Variants in BORCS7 observed in about 807,000 individuals in gnomAD.
The protein encoded by BORCS7 is BLOC-1 related complex subunit 7.
In BORCS7, 20 loss-of-function variants were observed where a neutral mutation model predicts 17.5. That is an observed-to-expected ratio of 1.14 (90% CI 0.80 to 1.66). BORCS7 has a LOEUF of 1.66. BORCS7 is among the 40% of genes most tolerant of loss of function. The probability of loss-of-function intolerance (pLI) is 0.00; values close to 1 mark genes in which losing one functional copy is unlikely to be tolerated. For missense variants in BORCS7, 122 were observed against 129.7 expected (o/e 0.94, Z 0.29); for synonymous variants, 57 against 49.8 (o/e 1.14, Z -0.61).
chr10:102,855,793 C>G (rs186096745), intron 1 of BORCS7, among the ~76,000 whole-genome samples: 1 of 152,178 alleles, frequency 6.6e-6, no homozygotes, highest in Admixed American at 6.5e-5. Flanking sequence ...GTCCCACTAG[C>G]TCTGTCACCC....
chr10:102,862,101 C>A lies in BORCS7; in HGVS notation c.249-59C>A. 2.7e-6 allele frequency: 4 copies of A among 1,500,430 alleles called. No individual in the cohort carries two copies. The South Asian group carries it at 4.6e-5, about 17-fold the overall frequency. 92.9% of individuals were successfully genotyped at this position (1,500,430 alleles called of 1,614,324 possible). A position where few individuals can be genotyped will look rare whatever the true frequency, so the allele number is the denominator to read the frequency against. On this transcript the variant is annotated intron_variant, in intron 3 of 4. Transcript: ENST00000339834. Reference sequence around the variant, plus strand: ...CTTCTGCCTATATGTATTATCTGGTCATAAATGAAACTTATTAGTTCACTT... The same window carrying A: ...CTTCTGCCTATATGTATTATCTGGTAATAAATGAAACTTATTAGTTCACTT...
At chr10:102,861,005 G>T (rs761012764) in intron 3 of BORCS7, among the ~76,000 whole-genome samples, 9 of 152,194 alleles carry the variant, frequency 5.9e-5, no homozygotes, top group Non-Finnish European at 1.2e-4. Flanking sequence ...TATAAATCAT[G>T]TAGGGAATTT....
intron 1 of BORCS7, among the ~76,000 whole-genome samples, chr10:102,857,553 C>T (rs1025028496): frequency 8.5e-5 from 13 of 152,170 alleles, no homozygotes; most frequent in Non-Finnish European, 1.9e-4. Flanking sequence ...AGTCACAAAT[C>T]ACAGTCCTGT....
In BORCS7 at chr10:102,862,009, C is replaced by A; in HGVS notation, c.249-151C>A. On this transcript the variant is annotated intron_variant, in intron 3 of 4. Transcript: ENST00000339834. ...GCAGCTCTGCACTCAGACAGGAATCCCTGTTCAATAGCACAATCTTAGGAT... is the reference window on the plus strand; with the variant it reads ...GCAGCTCTGCACTCAGACAGGAATCACTGTTCAATAGCACAATCTTAGGAT... The A allele has an allele frequency of 2.8e-6, 2 of 703,400 alleles. 1 individual carries two copies. The highest frequency in any genetic ancestry group is 3.9e-5 in the South Asian group (2 of 50,688). The allele number at this position is 703,400 out of a possible 1,614,324, so 43.6% of individuals were successfully genotyped here.
intron 3 of BORCS7, chr10:102,860,916 G>A (rs1029370901): frequency 2.6e-4 from 78 of 303,334 alleles, no homozygotes; most frequent in Middle Eastern, 9.2e-4. Flanking sequence ...GGGAAGTTAA[G>A]TTGGGTCCTC....
chr10:102,860,623 T>C (rs1261576971), intron 3 of BORCS7, 82 bp downstream of exon 3: 1 of 1,488,870 alleles, frequency 6.7e-7, no homozygotes, highest in Non-Finnish European at 9.3e-7. Flanking sequence ...CTTCAGCACT[T>C]TCCTGTGGAG....
At chr10:102,854,674 A>T (rs1470994897) in intron 1 of BORCS7, among the ~76,000 whole-genome samples, 9 of 151,864 alleles carry the variant, frequency 5.9e-5, no homozygotes, top group Non-Finnish European at 1.2e-4. Context: ...GCTCTTTGGG[A>T]GGCCGAGGCG....
At chr10:102,862,761 A>C (rs753918182) in intron 4 of BORCS7, 112 bp from the exon 5 acceptor site, 1 of 853,304 alleles carries the variant, frequency 1.2e-6, no homozygotes, top group Admixed American at 2.0e-5. Context: ...TGCCTTGTGC[A>C]GCATAGTGAG....
intron 1 of BORCS7, among the ~76,000 whole-genome samples, chr10:102,859,204 G>A (rs1241918965): frequency 6.7e-6 from 1 of 149,522 alleles, no homozygotes; most frequent in East Asian, 2.0e-4. Context: ...GTGCAATGGT[G>A]CGATCTCGGC....
chr10:102,862,151 C>T lies in BORCS7; in HGVS notation c.249-9C>T. 1.2e-6 allele frequency: 2 copies of T among 1,605,840 alleles called. No individual in the cohort carries two copies. The highest frequency in any genetic ancestry group is 1.7e-6 in the Non-Finnish European group (2 of 1,172,646). ...TATGTGTATTTTCCTCTTTCCTTTT[C>T]TGATTTAGGCAAGAAGCTATTCAGA... On this transcript the variant is annotated splice_polypyrimidine_tract_variant and intron_variant, in intron 3 of 4. Coordinates refer to ENST00000339834, the MANE Select transcript of BORCS7 (RefSeq NM_001136200.2).
intron 1 of BORCS7, among the ~76,000 whole-genome samples, chr10:102,859,142 C>A (rs1844474638): frequency 7.2e-6 from 1 of 137,964 alleles, no homozygotes; most frequent in South Asian, 2.5e-4. Context: ...CCTTTCTTTT[C>A]TTTTCTTTTT....
intron 3 of BORCS7, 145 bp downstream of exon 3, chr10:102,860,686 A>G (rs540926697): frequency 6.3e-6 from 5 of 797,580 alleles, no homozygotes; most frequent in South Asian, 6.2e-5. Context: ...CTCGATGGCA[A>G]AGATGCCTGA....
At chr10:102,862,308 G>A in intron 4 of BORCS7, 128 bp downstream of exon 4, 1 of 840,950 alleles carries the variant, frequency 1.2e-6, no homozygotes, top group Non-Finnish European at 1.9e-6. Flanking sequence ...TATGCTCTGG[G>A]ATACTCACTT....
At chr10:102,854,514 G>C in intron 1 of BORCS7, 87 bp downstream of exon 1, 1 of 1,439,438 alleles carries the variant, frequency 6.9e-7, no homozygotes, top group Non-Finnish European at 9.3e-7. Flanking sequence ...GTTGCATCTT[G>C]GGAATTGTAG....
intron 1 of BORCS7, among the ~76,000 whole-genome samples, chr10:102,856,768 A>T (rs1430567719): frequency 6.6e-6 from 1 of 152,218 alleles, no homozygotes; most frequent in South Asian, 2.1e-4. Flanking sequence ...TATGTAGGAA[A>T]GTGATGCAGA....
chr10:102,855,645 T>C (rs1219437141), intron 1 of BORCS7, among the ~76,000 whole-genome samples: 3 of 152,162 alleles, frequency 2.0e-5, no homozygotes, highest in Non-Finnish European at 4.4e-5. Context: ...TACATTTTAG[T>C]GAAGAGACAG....
At chr10:102,862,240 T>C in intron 4 of BORCS7, 60 bp downstream of exon 4, 3 of 1,509,512 alleles carry the variant, frequency 2.0e-6, no homozygotes, top group South Asian at 1.1e-5. Context: ...GGGGGATTTA[T>C]ACTGCTGGGT....
Position 102,862,952 on chromosome 10 carries a change from C to T in BORCS7, c.*28C>T, listed in dbSNP as rs767887529. 26 of 1,573,734 alleles carry T rather than the reference C, an allele frequency of 1.7e-5. 1 individual carries two copies. In the Middle Eastern group the frequency reaches 1.2e-3, roughly 70 times the overall value. On this transcript the variant is annotated 3_prime_UTR_variant, in exon 5 of 5. Transcript: ENST00000339834. The stretch of plus-strand genomic sequence containing the variant: ...TGACATGTAAGAGTGCTGTAGGACT[C>T]CTTTGCCTAATGCTGAGGAGTAAAT...
At chr10:102,856,336 G>C (rs887593921) in intron 1 of BORCS7, among the ~76,000 whole-genome samples, 1 of 151,728 alleles carries the variant, frequency 6.6e-6, no homozygotes, top group African/African-American at 2.4e-5. Flanking sequence ...GATTGCTTAA[G>C]CCCAGGGGTT....
Sources: allele counts gnomAD v4.1 joint callset (sites outside exome capture counted in the v4.1 genomes callset), GRCh38; gene constraint gnomAD v4.1.1; transcripts MANE v1.5; gene names NCBI Gene and HGNC (gene_info 2026-07-23, HGNC 2026-07-21).